The following NTAN1 variants were observed in gnomAD, a reference collection of about 807,000 sequenced individuals.
NTAN1 encodes the protein protein N-terminal asparagine amidohydrolase.
NTAN1 carries 32 observed loss-of-function variants against 41.9 expected under a neutral mutation model. That is an observed-to-expected ratio of 0.76 (90% CI 0.58 to 1.03). The LOEUF is 1.03. Among genes scored for constraint, NTAN1 ranks in the 50% least tolerant of loss-of-function variants. NTAN1 has a pLI of 0.00. For synonymous variants in NTAN1, 140 were observed against 139.5 expected (o/e 1.00, Z -0.03); for missense variants, 377 against 377.5 (o/e 1.00, Z 0.01).
At chr16:15,048,970 G>A (rs56187345) in intron 1 of NTAN1, among the ~76,000 whole-genome samples, 4 of 147,216 alleles carry the variant, frequency 2.7e-5, no homozygotes, top group Admixed American at 6.9e-5. Context: ...TGCTGCCCAG[G>A]CTGGTCTCAA....
intron 4 of NTAN1, 37 bp from the exon 5 acceptor site, chr16:15,044,444 A>C (rs199979034): frequency 1.3e-4 from 178 of 1,369,628 alleles, no homozygotes; most frequent in Admixed American, 7.4e-4. Flanking sequence ...GGCCAGAAGA[A>C]GACACCGGTG....
chr16:15,040,092 GA>G, intron 7 of NTAN1, 26 bp from the exon 8 acceptor site: 1 of 1,330,128 alleles, frequency 7.5e-7, no homozygotes, highest in East Asian at 2.3e-5. Context: ...GGATGACTCT[GA>G]ATTGACAAAA....
chr16:15,045,702 G>GA (rs2044030882), intron 4 of NTAN1: 1 of 152,264 alleles, frequency 6.6e-6, no homozygotes, highest in Admixed American at 6.5e-5. Context: ...AAGCTCTTGA[G>GA]AAGTCCTGCG....
rs986999661 is a variant in NTAN1 at position 15,047,351 on chromosome 16, T to C, written c.359+91A>G. On this transcript the variant is annotated intron_variant, in intron 4 of 9. Transcript: ENST00000287706. ...CGAGGCAGACACGGCAGTGGTGGCA[T>C]CCTGTGTTCCCCTAACAGCTTCCAC... 3.0e-5 allele frequency: 25 copies of C among 844,548 alleles called. No homozygotes were observed. In the Admixed American group the frequency reaches 4.5e-4, roughly 15 times the overall value. The allele number at this position is 844,548 out of a possible 1,614,324, so 52.3% of individuals were successfully genotyped here. A position where few individuals can be genotyped will look rare whatever the true frequency, so the allele number is the denominator to read the frequency against.
intron 1 of NTAN1, among the ~76,000 whole-genome samples, chr16:15,054,298 G>A (rs2044412282): frequency 6.6e-6 from 1 of 152,164 alleles, no homozygotes; most frequent in South Asian, 2.1e-4. Context: ...AGCCTTTCTA[G>A]GACATGTCTT....
chr16:15,046,188 T>C (rs904814166), intron 4 of NTAN1: 18 of 152,350 alleles, frequency 1.2e-4, no homozygotes, highest in African/African-American at 4.1e-4. Flanking sequence ...CAGCCCAGCC[T>C]TGGCACAGAC....
intron 1 of NTAN1, among the ~76,000 whole-genome samples, chr16:15,055,553 C>A (rs966000829): frequency 6.6e-6 from 1 of 152,224 alleles, no homozygotes; most frequent in African/African-American, 2.4e-5. Flanking sequence ...TTTGCCTAAA[C>A]GGACCCAGCC....
intron 1 of NTAN1, among the ~76,000 whole-genome samples, chr16:15,049,511 C>T (rs2044215359): frequency 6.6e-6 from 1 of 151,956 alleles, no homozygotes; most frequent in African/African-American, 2.4e-5. Flanking sequence ...TCACTGCAAT[C>T]TCCACCTCCC....
intron 5 of NTAN1, among the ~76,000 whole-genome samples, chr16:15,043,102 G>A (rs2151698814): frequency 6.6e-6 from 1 of 152,224 alleles, no homozygotes; most frequent in East Asian, 1.9e-4. Context: ...GTTTCTCCAT[G>A]TTGGTCAGGC....
intron 1 of NTAN1, among the ~76,000 whole-genome samples, chr16:15,054,402 C>T (rs1003089687): frequency 6.6e-6 from 1 of 152,150 alleles, no homozygotes; most frequent in Non-Finnish European, 1.5e-5. Context: ...GGACACCCAT[C>T]TAACTTTCTA....
rs1211730360 is a variant in NTAN1, at chr16:15,048,066, G to C, written c.115C>G (p.Gln39Glu). Reference sequence around the variant, plus strand: ...AGAAGGCCCTGGGGTCCCACTTGTTGAACAGACTGACCTCTGAGAAGTCTG... The same window carrying C: ...AGAAGGCCCTGGGGTCCCACTTGTTCAACAGACTGACCTCTGAGAAGTCTG... ...RARLLRGQSV[Q>E]QVGPQGLLYV... The change falls in exon 2 of 10, where the codon CAA becomes GAA. Residue 39 changes from glutamine to glutamate, a missense_variant. Gln to Glu is a conservative substitution (Grantham distance 29). Coordinates refer to ENST00000287706, the MANE Select transcript of NTAN1 (RefSeq NM_173474.4). The C allele has an allele frequency of 1.2e-6, 2 of 1,612,314 alleles. No individual in the cohort carries two copies. The highest frequency in any genetic ancestry group is 1.3e-5 in the African/African-American group (1 of 74,968).
intron 1 of NTAN1, among the ~76,000 whole-genome samples, chr16:15,053,034 T>C (rs774099421): frequency 1.3e-5 from 2 of 152,216 alleles, no homozygotes; most frequent in Admixed American, 6.5e-5. Flanking sequence ...ATATTCACAC[T>C]GTCTCATTAG....
rs761004890 is a variant in NTAN1, at chr16:15,038,042, GAGA to G, written c.919_921del (p.Ser307del). The G allele has an allele frequency of 1.2e-5, 19 of 1,611,280 alleles. No individual in the cohort carries two copies. The highest frequency in any genetic ancestry group is 2.2e-5 in the South Asian group (2 of 90,628). ...GTAATTCATGTTTTTTAACTTCCTG[GAGA>G]AGAGATCTTTTCCCACAAGCCATCT... On this transcript the variant is annotated inframe_deletion, in exon 10 of 10. Transcript: ENST00000287706.
intron 1 of NTAN1, among the ~76,000 whole-genome samples, chr16:15,050,034 G>C (rs1040756628): frequency 6.6e-6 from 1 of 152,158 alleles, no homozygotes; most frequent in Non-Finnish European, 1.5e-5. Flanking sequence ...TCCTGTTGCT[G>C]TTGTCCTCTC....
At chr16:15,044,478 T>G (rs2043963363) in intron 4 of NTAN1, 71 bp from the exon 5 acceptor site, 2 of 995,830 alleles carry the variant, frequency 2.0e-6, no homozygotes, top group East Asian at 4.9e-5. Flanking sequence ...CACTTTGAAC[T>G]TTCATTCTCA....
At position 15,041,622 on chromosome 16, in the gene NTAN1, C is replaced by G. The variant is rs780097202; in HGVS notation, c.487+1G>C. On this transcript the variant is annotated splice_donor_variant, in intron 6 of 9. Coordinates refer to ENST00000287706, the MANE Select transcript of NTAN1 (RefSeq NM_173474.4). LOFTEE classifies it high-confidence loss of function. ...GCTTTGGGGCAAATGGCAGGACTTACCTGTCACACATAATGTCACTAAGTG... is the reference window on the plus strand; with the variant it reads ...GCTTTGGGGCAAATGGCAGGACTTAGCTGTCACACATAATGTCACTAAGTG... 6.2e-7 allele frequency: 1 copy of G among 1,608,274 alleles called. No individual in the cohort carries two copies.
intron 8 of NTAN1, among the ~76,000 whole-genome samples, chr16:15,039,299 T>C (rs981881659): frequency 4.6e-5 from 7 of 152,164 alleles, no homozygotes; most frequent in Non-Finnish European, 8.8e-5. Flanking sequence ...GTTAAAAGGG[T>C]TGGCTCCGAA....
intron 9 of NTAN1, 55 bp downstream of exon 9, chr16:15,038,519 G>T: frequency 9.9e-7 from 1 of 1,012,822 alleles, no homozygotes; most frequent in Non-Finnish European, 1.5e-6. Context: ...TTTTCTTACA[G>T]ATGGGGAAAC....
Position 15,055,971 on chromosome 16 carries a change from T to TCGCGGAGGCGGCCGCCCAGGCAGGCC in NTAN1, c.-26_-1dup. On this transcript the variant is annotated 5_prime_UTR_variant, in exon 1 of 10. Coordinates refer to ENST00000287706, the MANE Select transcript of NTAN1 (RefSeq NM_173474.4). ...CGCCGCCCCTCGACGAGCAGCGGCA[T>TCGCGGAGGCGGCCGCCCAGGCAGGCC]CGCGGAGGCGGCCGCCCAGGCAGGC... 2.5e-6 allele frequency: 3 copies of TCGCGGAGGCGGCCGCCCAGGCAGGCC among 1,222,828 alleles called. No individual in the cohort carries two copies. In the South Asian group the frequency reaches 1.2e-4, roughly 50 times the overall value. The allele number at this position is 1,222,828 out of a possible 1,614,324, so 75.7% of individuals were successfully genotyped here.
Sources: allele counts gnomAD v4.1 joint callset (sites outside exome capture counted in the v4.1 genomes callset), GRCh38; gene constraint gnomAD v4.1.1; transcripts MANE v1.5; gene names NCBI Gene and HGNC (gene_info 2026-07-23, HGNC 2026-07-21).